The following PRMT2 variants were observed in gnomAD, a reference collection of about 807,000 sequenced individuals.
The protein encoded by PRMT2 is protein arginine N-methyltransferase 2.
PRMT2 carries 26 observed loss-of-function variants against 57.6 expected under a neutral mutation model. The ratio of observed to expected loss-of-function variants is 0.45; its 90% CI spans 0.33 to 0.63. The LOEUF (loss-of-function observed/expected upper bound fraction) is 0.63. Ranked by LOEUF, PRMT2 falls within the 20% of genes least tolerant of loss-of-function variation. The probability of loss-of-function intolerance (pLI) is 0.02; values close to 1 mark genes in which losing one functional copy is unlikely to be tolerated. For synonymous variants in PRMT2, 219 were observed against 220.0 expected (o/e 1.00, Z 0.04); for missense variants, 472 against 564.4 (o/e 0.84, Z 1.66).
At position 46,664,734 on chromosome 21, in the gene PRMT2, C is replaced by G. The variant is rs993154572; in HGVS notation, c.*407C>G. ...ACCTCCTATGTTAGTGGTGCCCTTA[C>G]TGCCGTCGCTCATCCACTCGTGTGG... On this transcript the variant is annotated 3_prime_UTR_variant, in exon 12 of 12. Coordinates refer to ENST00000355680, the MANE Select transcript of PRMT2 (RefSeq NM_206962.4). 4 of 245,270 alleles carry G rather than the reference C, an allele frequency of 1.6e-5. No individual in the cohort carries two copies. The highest frequency in any genetic ancestry group is 3.3e-5 in the Non-Finnish European group (4 of 122,642). 15.2% of individuals were successfully genotyped at this position (245,270 alleles called of 1,614,324 possible).
chr21:46,658,837 T>C lies in PRMT2; in HGVS notation c.747T>C (p.Leu249=), dbSNP rs1261721422. Reference sequence around the variant, plus strand: ...GGCCCACCATGGCTGCGTTGCACCTTGTGCCCTGCAGTGCTGATAAGGATT... The same window carrying C: ...GGCCCACCATGGCTGCGTTGCACCTCGTGCCCTGCAGTGCTGATAAGGATT... The part of the protein sequence containing the change: ...VIWPTMAALH[L]VPCSADKDYR... The change falls in exon 8 of 12, where the codon CTT becomes CTC. Residue 249 remains leucine (L), a synonymous_variant. Coordinates refer to ENST00000355680, the MANE Select transcript of PRMT2 (RefSeq NM_206962.4). 1 of 1,614,230 alleles carries C rather than the reference T, an allele frequency of 6.2e-7. No individual in the cohort carries two copies. The highest frequency in any genetic ancestry group is 1.1e-5 in the South Asian group (1 of 91,086).
intron 7 of PRMT2, among the ~76,000 whole-genome samples, chr21:46,654,336 T>C (rs1261547753): frequency 1.3e-5 from 2 of 152,240 alleles, no homozygotes; most frequent in Non-Finnish European, 2.9e-5. Context: ...TTAAAAAAAG[T>C]ACAGAGTATG....
At position 46,648,948 on chromosome 21, in the gene PRMT2, C is replaced by T. The variant is rs533882716; in HGVS notation, c.489+329C>T. On this transcript the variant is annotated intron_variant, in intron 6 of 11. Transcript: ENST00000355680. The surrounding 1 kb of genome is among the most constrained non-coding windows in gnomAD (Gnocchi z 4.8). ...CAGTTGAGTAGAGAAACACGTGCAC[C>T]CACATGTCTGTGCTGGGCCTTGGGT... Among the ~76,000 whole-genome samples, 2 of 152,272 alleles carry T rather than the reference C, an allele frequency of 1.3e-5. No homozygotes were observed. Among genetic ancestry groups the T allele is most frequent in the East Asian group, 1.9e-4 (1 of 5,184 alleles).
At chr21:46,656,726 C>T (rs528972826) in intron 7 of PRMT2, 1 of 152,130 alleles carries the variant, frequency 6.6e-6, no homozygotes, top group South Asian at 2.1e-4. Flanking sequence ...TATAAACCTC[C>T]TTGAAAAAAT....
At chr21:46,645,979 G>C (rs2061359092) in intron 5 of PRMT2, among the ~76,000 whole-genome samples, 1 of 152,206 alleles carries the variant, frequency 6.6e-6, no homozygotes, top group African/African-American at 2.4e-5. Context: ...CTCCCAAAGG[G>C]CTGGGATTAC....
chr21:46,652,046 C>G (rs1009449647), intron 7 of PRMT2: 11 of 1,611,120 alleles, frequency 6.8e-6, no homozygotes, highest in Non-Finnish European at 8.5e-6. Flanking sequence ...GAGAAGAGTG[C>G]ATGTGCGTTT....
At chr21:46,651,320 C>A (rs2061446961) in intron 7 of PRMT2, among the ~76,000 whole-genome samples, 1 of 152,100 alleles carries the variant, frequency 6.6e-6, no homozygotes, top group African/African-American at 2.4e-5. Flanking sequence ...AGTGGGCCAC[C>A]AGGACTGGCT....
intron 11 of PRMT2, 28 bp downstream of exon 11, chr21:46,663,582 C>T (rs749202451): frequency 1.9e-6 from 3 of 1,602,372 alleles, no homozygotes; most frequent in Non-Finnish European, 2.6e-6. Flanking sequence ...AAGATTCTGT[C>T]CTGTGGGTGC....
intron 7 of PRMT2, chr21:46,658,221 A>T (rs1257296498): frequency 1.3e-5 from 2 of 152,958 alleles, no homozygotes; most frequent in Non-Finnish European, 2.9e-5. Flanking sequence ...CATAGATGTG[A>T]TGTGCTTCCC....
intron 5 of PRMT2, among the ~76,000 whole-genome samples, chr21:46,646,198 T>C (rs2061362542): frequency 6.6e-6 from 1 of 152,224 alleles, no homozygotes; most frequent in African/African-American, 2.4e-5. Context: ...GTGTTTGCTA[T>C]ATAACAATAC....
intron 7 of PRMT2, among the ~76,000 whole-genome samples, chr21:46,651,577 G>A (rs563421063): frequency 1.3e-5 from 2 of 152,202 alleles, no homozygotes; most frequent in East Asian, 3.9e-4. Flanking sequence ...GCGGAGCTTT[G>A]CAGGTGAGGG....
intron 3 of PRMT2, among the ~76,000 whole-genome samples, chr21:46,639,690 G>GTGTGTGTGTGTGTGTGTT (rs1207807750): frequency 2.1e-5 from 3 of 142,494 alleles, no homozygotes; most frequent in Non-Finnish European, 4.5e-5. Flanking sequence ...CTTACATAAA[G>GTGTGTGTGTGTGTGTGTT]TGTGTGTGTG....
chr21:46,649,425 G>T lies in PRMT2; in HGVS notation c.490-150G>T. 1.6e-6 allele frequency: 2 copies of T among 1,250,240 alleles called. No individual in the cohort carries two copies. Among genetic ancestry groups the T allele is most frequent in the Non-Finnish European group, 2.3e-6 (2 of 873,010 alleles). The allele number at this position is 1,250,240 out of a possible 1,614,324, so 77.4% of individuals were successfully genotyped here. A position where few individuals can be genotyped will look rare whatever the true frequency, so the allele number is the denominator to read the frequency against. Reference sequence around the variant, plus strand: ...TCTGGGTGCCCCTGGAGGGGCAGGTGTGGCCAGTCCTCGCTGCCTCTGCTG... The same window carrying T: ...TCTGGGTGCCCCTGGAGGGGCAGGTTTGGCCAGTCCTCGCTGCCTCTGCTG... On this transcript the variant is annotated intron_variant, in intron 6 of 11. Coordinates refer to ENST00000355680, the MANE Select transcript of PRMT2 (RefSeq NM_206962.4). The surrounding 1 kb of genome is among the most constrained non-coding windows in gnomAD (Gnocchi z 4.8).
chr21:46,649,988 A>G lies in PRMT2; in HGVS notation c.654+249A>G. ...AACATTTTCATGAGTGATTTACATGAACTGTGTTCTCCTCGGGGATCTGTA... is the reference window on the plus strand; with the variant it reads ...AACATTTTCATGAGTGATTTACATGGACTGTGTTCTCCTCGGGGATCTGTA... On this transcript the variant is annotated intron_variant, in intron 7 of 11. Coordinates refer to ENST00000355680, the MANE Select transcript of PRMT2 (RefSeq NM_206962.4). This position sits in a 1 kb window ranked among gnomAD's most constrained non-coding sequence, Gnocchi z 4.8. The G allele has an allele frequency of 7.0e-7, 1 of 1,425,618 alleles. No individual in the cohort carries two copies. The highest frequency in any genetic ancestry group is 2.5e-5 in the East Asian group (1 of 39,880). 88.3% of individuals were successfully genotyped at this position (1,425,618 alleles called of 1,614,324 possible).
At chr21:46,646,595 G>A (rs2061368935) in intron 5 of PRMT2, among the ~76,000 whole-genome samples, 1 of 152,128 alleles carries the variant, frequency 6.6e-6, no homozygotes, top group African/African-American at 2.4e-5. Flanking sequence ...CTTTAAAAGG[G>A]TCCTGTTGAT....
chr21:46,662,785 A>G (rs1032279382), intron 10 of PRMT2, among the ~76,000 whole-genome samples: 1 of 152,054 alleles, frequency 6.6e-6, no homozygotes, highest in Non-Finnish European at 1.5e-5. Flanking sequence ...TTCCAACGCA[A>G]CCCAGTGCAG....
chr21:46,636,942 T>TA lies in PRMT2; in HGVS notation c.-8dup. The TA allele has an allele frequency of 6.2e-7, 1 of 1,612,942 alleles. No homozygotes were observed. Among genetic ancestry groups the TA allele is most frequent in the Non-Finnish European group, 8.5e-7 (1 of 1,179,364 alleles). On this transcript the variant is annotated 5_prime_UTR_variant, in exon 3 of 12. Transcript: ENST00000355680. ...AAATCAGCAGTTATGAGGCAGAGCC[T>TA]AAGAGAACTATGGCAACATCAGGTG...
chr21:46,663,223 GA>G (rs1434046012), intron 10 of PRMT2, among the ~76,000 whole-genome samples, 159 bp from the exon 11 acceptor site: 2 of 152,260 alleles, frequency 1.3e-5, no homozygotes, highest in African/African-American at 4.8e-5. Context: ...GAGTTAGCCT[GA>G]AAAGCCAAGC....
At chr21:46,635,798 C>T (rs932687707) in intron 1 of PRMT2, 35 bp downstream of exon 1, 1 of 152,352 alleles carries the variant, frequency 6.6e-6, no homozygotes, top group African/African-American at 2.4e-5. Flanking sequence ...GATGGCTGGA[C>T]TGCACGTAAG....
Sources: allele counts gnomAD v4.1 joint callset (sites outside exome capture counted in the v4.1 genomes callset), GRCh38; gene constraint gnomAD v4.1.1; non-coding constraint Gnocchi (gnomAD v3.1); transcripts MANE v1.5; gene names NCBI Gene and HGNC (gene_info 2026-07-23, HGNC 2026-07-21).